MGLL: variants seen among roughly 807,000 people sequenced by gnomAD.
The protein encoded by MGLL is monoglyceride lipase, also known as lysophospholipase homolog.
In MGLL, 7 loss-of-function variants were observed where a neutral mutation model predicts 29.1. The ratio of observed to expected loss-of-function variants is 0.24; its 90% confidence interval spans 0.14 to 0.45. The LOEUF (loss-of-function observed/expected upper bound fraction) is 0.45. MGLL is among the 20% of genes least tolerant of loss of function. MGLL has a pLI of 0.99. For missense variants in MGLL, 356 were observed against 413.6 expected (o/e 0.86, Z 1.21); for synonymous variants, 148 against 168.3 (o/e 0.88, Z 0.93).
intron 5 of MGLL, among the ~76,000 whole-genome samples, chr3:127,718,409 A>G (rs541925): frequency 0.89 from 135,860 of 152,174 alleles, 60,774 homozygotes; most frequent in Middle Eastern, 0.95. Flanking sequence ...ACAGAACGCT[A>G]GAGGGAGGAG....
At chr3:127,724,944 G>A (rs1297626381) in intron 3 of MGLL, among the ~76,000 whole-genome samples, 2 of 151,802 alleles carry the variant, frequency 1.3e-5, no homozygotes, top group East Asian at 1.9e-4. Context: ...TTCTGATTCC[G>A]ACCACTCCTG....
chr3:127,763,408 T>G (rs1162976079), intron 3 of MGLL, among the ~76,000 whole-genome samples: 3 of 152,222 alleles, frequency 2.0e-5, no homozygotes, highest in Non-Finnish European at 4.4e-5. Flanking sequence ...CAGAAAACAC[T>G]GGGCTGTACC....
At position 127,692,103 on chromosome 3, in the gene MGLL, TTTTTTTTTTTTTG is replaced by T; in HGVS notation, c.*82_*94del. On this transcript the variant is annotated 3_prime_UTR_variant, in exon 8 of 8. Transcript: ENST00000265052. ...ATTTCTCCAATTTCTGATTTTTTTT[TTTTTTTTTTTTTG>T]GCAAGCCATATCTGAGAAGCCATCT... 3 of 905,380 alleles carry T rather than the reference TTTTTTTTTTTTTG, an allele frequency of 3.3e-6. No individual in the cohort carries two copies. The highest frequency in any genetic ancestry group is 1.9e-5 in the South Asian group (1 of 51,942). The allele number at this position is 905,380 out of a possible 1,614,324, so 56.1% of individuals were successfully genotyped here.
Position 127,813,352 on chromosome 3 carries a change from A to C in MGLL, c.155+8342T>G, listed in dbSNP as rs751480858. ...AGTAGGTCTCTGGCCATCTCTTCTG[A>C]GGTCCATCTGCACTTATTAGCAGCC... On this transcript the variant is annotated intron_variant, in intron 2 of 7. Coordinates refer to ENST00000265052, the MANE Select transcript of MGLL (RefSeq NM_007283.7). Among the ~76,000 whole-genome samples the C allele has an allele frequency of 5.3e-4, 81 of 152,060 alleles. 1 individual carries two copies. Among genetic ancestry groups the C allele is most frequent in the Non-Finnish European group, 1.0e-3 (70 of 67,990 alleles).
chr3:127,705,490 A>T (rs1191433542), intron 6 of MGLL, among the ~76,000 whole-genome samples: 1 of 152,138 alleles, frequency 6.6e-6, no homozygotes, highest in Admixed American at 6.5e-5. Flanking sequence ...AAGAAGACAT[A>T]CAAGGTCCCA....
chr3:127,691,875 T>C lies in MGLL; in HGVS notation c.*323A>G, dbSNP rs778336064. ...GTGTCCTGGGAACACCAGGAATTCC[T>C]GGAACCCTTGTGGGAGCTGGGAGAG... On this transcript the variant is annotated 3_prime_UTR_variant, in exon 8 of 8. Coordinates refer to ENST00000265052, the MANE Select transcript of MGLL (RefSeq NM_007283.7). 69 of 353,816 alleles carry C rather than the reference T, an allele frequency of 2.0e-4. No homozygotes were observed. The highest frequency in any genetic ancestry group is 3.3e-4 in the Non-Finnish European group (63 of 189,068). The allele number at this position is 353,816 out of a possible 1,614,324, so 21.9% of individuals were successfully genotyped here.
chr3:127,721,237 T>C, intron 4 of MGLL, 74 bp from the exon 5 acceptor site: 1 of 1,325,014 alleles, frequency 7.5e-7, no homozygotes, highest in Non-Finnish European at 1.1e-6. Flanking sequence ...ACATGACCAA[T>C]GCAGTCCTCT....
intron 7 of MGLL, among the ~76,000 whole-genome samples, chr3:127,694,535 T>C (rs2075319272): frequency 6.6e-6 from 1 of 152,076 alleles, no homozygotes. Context: ...CGGATCAGGC[T>C]CTGCCAAGTC....
chr3:127,809,686 CAAGA>C, intron 2 of MGLL, among the ~76,000 whole-genome samples: 1 of 151,518 alleles, frequency 6.6e-6, no homozygotes, highest in East Asian at 1.9e-4. Context: ...CAAAAATCAG[CAAGA>C]AAGAAGTGAG....
intron 2 of MGLL, among the ~76,000 whole-genome samples, chr3:127,809,616 G>C (rs1469770997): frequency 6.8e-6 from 1 of 147,312 alleles, no homozygotes; most frequent in Non-Finnish European, 1.5e-5. Context: ...ACAGAGCAAA[G>C]CCCTGTCTCT....
At chr3:127,744,703 T>C (rs1008372031) in intron 3 of MGLL, among the ~76,000 whole-genome samples, 2 of 152,210 alleles carry the variant, frequency 1.3e-5, no homozygotes, top group African/African-American at 4.8e-5. Flanking sequence ...AAAGAATTGC[T>C]TGAGGCAAAC....
intron 2 of MGLL, among the ~76,000 whole-genome samples, chr3:127,796,250 T>A (rs1257634833): frequency 6.6e-6 from 1 of 152,166 alleles, no homozygotes; most frequent in Non-Finnish European, 1.5e-5. Flanking sequence ...ACAGAAGCCC[T>A]CTGACCCTTT....
intron 3 of MGLL, among the ~76,000 whole-genome samples, chr3:127,781,439 T>C (rs535454693): frequency 1.3e-5 from 2 of 152,332 alleles, no homozygotes; most frequent in South Asian, 2.1e-4. Flanking sequence ...TTGAACTGAC[T>C]ACACAATGCC....
At chr3:127,704,721 C>A (rs1386790366) in intron 6 of MGLL, among the ~76,000 whole-genome samples, 2 of 152,114 alleles carry the variant, frequency 1.3e-5, no homozygotes, top group Non-Finnish European at 2.9e-5. Context: ...GAATGGTGAT[C>A]ATTAAAAAGT....
At chr3:127,717,015 C>A (rs2075829082) in intron 5 of MGLL, among the ~76,000 whole-genome samples, 1 of 152,126 alleles carries the variant, frequency 6.6e-6, no homozygotes, top group South Asian at 2.1e-4. Context: ...AGGAGGCTTG[C>A]TAGGAAGACA....
intron 3 of MGLL, among the ~76,000 whole-genome samples, chr3:127,775,317 A>T (rs2077014991): frequency 6.6e-6 from 1 of 152,224 alleles, no homozygotes; most frequent in Non-Finnish European, 1.5e-5. Flanking sequence ...AACGGTTAAC[A>T]CATTTTTCAA....
chr3:127,709,479 T>C (rs2075667832), intron 6 of MGLL, among the ~76,000 whole-genome samples: 1 of 152,124 alleles, frequency 6.6e-6, no homozygotes, highest in Admixed American at 6.5e-5. Flanking sequence ...CACGGGCTAT[T>C]CCTCTTGAGT....
intron 3 of MGLL, among the ~76,000 whole-genome samples, chr3:127,764,472 A>T (rs1287793926): frequency 6.6e-6 from 1 of 152,138 alleles, no homozygotes; most frequent in Non-Finnish European, 1.5e-5. Flanking sequence ...AGCCCCCAGG[A>T]GAGGCCCGGG....
intron 3 of MGLL, among the ~76,000 whole-genome samples, chr3:127,764,531 C>T (rs1166361634): frequency 6.6e-6 from 1 of 152,224 alleles, no homozygotes; most frequent in African/African-American, 2.4e-5. Flanking sequence ...GTTTGGGAAG[C>T]TCACGTGCTC....
Sources: allele counts gnomAD v4.1 joint callset (sites outside exome capture counted in the v4.1 genomes callset), GRCh38; gene constraint gnomAD v4.1.1; transcripts MANE v1.5; gene names NCBI Gene and HGNC (gene_info 2026-07-23, HGNC 2026-07-21).